Variants in KHDRBS2 observed in about 807,000 individuals in gnomAD.
KHDRBS2 encodes the protein KH domain-containing, RNA-binding, signal transduction-associated protein 2.
A neutral mutation model predicts 44.3 loss-of-function variants in KHDRBS2; 26 were observed. The ratio of observed to expected loss-of-function variants is 0.59; its 90% CI spans 0.43 to 0.81. The LOEUF is 0.81. KHDRBS2 is among the 40% of genes least tolerant of loss of function. The pLI is 0.00. For synonymous variants in KHDRBS2, 194 were observed against 151.1 expected, an observed-to-expected ratio of 1.28 and a Z score of -2.08; for missense variants, 476 against 433.1, an observed-to-expected ratio of 1.10 and a Z score of -0.88.
intron 6 of KHDRBS2, among the ~76,000 whole-genome samples, chr6:61,838,485 T>C (rs2181060): frequency 8.5e-4 from 129 of 152,122 alleles, no homozygotes; most frequent in African/African-American, 3.1e-3. Context: ...TATTAATATA[T>C]ACTATTGTAA....
chr6:61,549,043 T>G, the KHDRBS2 span, among the ~76,000 whole-genome samples: 1 of 152,046 alleles, frequency 6.6e-6, no homozygotes, highest in Admixed American at 6.6e-5. Context: ...GTCTAACACA[T>G]GATTCTGAAA....
At chr6:61,604,579 A>T in the KHDRBS2 span, among the ~76,000 whole-genome samples, 123,639 of 152,132 alleles carry the variant, frequency 0.81, 50,615 homozygotes, top group Non-Finnish European at 0.87. Flanking sequence ...TCTTAGAACC[A>T]CTCATTTCCT....
chr6:61,997,371 C>T (rs1203196637), intron 3 of KHDRBS2, among the ~76,000 whole-genome samples: 1 of 152,108 alleles, frequency 6.6e-6, no homozygotes, highest in African/African-American at 2.4e-5. Context: ...TCAATGGAGA[C>T]CTCTAGGATT....
chr6:61,709,061 A>G (rs1485178777), intron 7 of KHDRBS2, among the ~76,000 whole-genome samples: 1 of 151,684 alleles, frequency 6.6e-6, no homozygotes, highest in Non-Finnish European at 1.5e-5. Context: ...TATCAATGAG[A>G]TAACCTGTGA....
chr6:61,921,852 T>A (rs1417988682), intron 4 of KHDRBS2, among the ~76,000 whole-genome samples: 1 of 152,030 alleles, frequency 6.6e-6, no homozygotes, highest in Non-Finnish European at 1.5e-5. Flanking sequence ...TTGTGTTGAA[T>A]GATGTGTTAC....
At chr6:62,006,472 G>C (rs1446354778) in intron 3 of KHDRBS2, among the ~76,000 whole-genome samples, 1 of 151,940 alleles carries the variant, frequency 6.6e-6, no homozygotes, top group Non-Finnish European at 1.5e-5. Context: ...AAGGTAGAAT[G>C]AGCAAAGAAA....
At chr6:61,639,700 C>A in the KHDRBS2 span, among the ~76,000 whole-genome samples, 1 of 152,018 alleles carries the variant, frequency 6.6e-6, no homozygotes, top group South Asian at 2.1e-4. Flanking sequence ...TTACAGACAT[C>A]TTTGAATCAC....
chr6:61,568,694 G>A, the KHDRBS2 span, among the ~76,000 whole-genome samples: 2 of 152,140 alleles, frequency 1.3e-5, no homozygotes, highest in African/African-American at 2.4e-5. Context: ...GATCTTACAT[G>A]GATTTAGGGA....
chr6:61,712,025 C>T (rs940777955), intron 7 of KHDRBS2, among the ~76,000 whole-genome samples: 1 of 151,696 alleles, frequency 6.6e-6, no homozygotes, highest in African/African-American at 2.4e-5. Flanking sequence ...CTTGGCACTC[C>T]CTGAGGTCTG....
rs1461005543 is a variant in KHDRBS2 at position 61,726,900 on chromosome 6, T to C, written c.893+5782A>G. Among the ~76,000 whole-genome samples the C allele has an allele frequency of 3.3e-5, 5 of 152,158 alleles. No homozygotes were observed. The East Asian group carries it at 9.6e-4, about 29-fold the overall frequency. On this transcript the variant is annotated intron_variant, in intron 7 of 8. Coordinates refer to ENST00000281156, the MANE Select transcript of KHDRBS2 (RefSeq NM_152688.4). ...CCCATTAAAACTACCATTGACATTC[T>C]TCACAGAATTAGAAAAAAATATTTT...
chr6:61,954,296 C>T (rs570415280), intron 4 of KHDRBS2, among the ~76,000 whole-genome samples: 10 of 150,420 alleles, frequency 6.6e-5, no homozygotes, highest in African/African-American at 2.4e-4. Flanking sequence ...TCTACATATA[C>T]ACATATATAT....
rs547771024 is a variant in KHDRBS2, at chr6:62,051,380, A to G, written c.220-3386T>C. Among the ~76,000 whole-genome samples, 30 of 152,168 alleles carry G rather than the reference A, an allele frequency of 2.0e-4. 1 individual carries two copies. Among genetic ancestry groups the G allele is most frequent in the African/African-American group, 6.7e-4 (28 of 41,572 alleles). On this transcript the variant is annotated intron_variant, in intron 2 of 8. Coordinates refer to ENST00000281156, the MANE Select transcript of KHDRBS2 (RefSeq NM_152688.4). ...ATCCGTTTTGGGTTATTTTTTGCATATGATATATAATAAAGGTCCAATTTC... is the reference window on the plus strand; with the variant it reads ...ATCCGTTTTGGGTTATTTTTTGCATGTGATATATAATAAAGGTCCAATTTC...
intron 8 of KHDRBS2, among the ~76,000 whole-genome samples, chr6:61,695,727 G>T (rs745626049): frequency 6.6e-6 from 1 of 152,060 alleles, no homozygotes; most frequent in East Asian, 1.9e-4. Context: ...TAACTAATCA[G>T]CCCATGGTTA....
chr6:62,139,409 C>T (rs1309419637), intron 2 of KHDRBS2, among the ~76,000 whole-genome samples: 3 of 151,766 alleles, frequency 2.0e-5, no homozygotes, highest in Non-Finnish European at 2.9e-5. Flanking sequence ...AAAAATTAGC[C>T]GGGCGTGGTG....
In KHDRBS2 at chr6:62,169,214, T is replaced by TAA. The variant is rs1312821808; in HGVS notation, c.219+7970_219+7971insTT. ...GTATACATATATGTATATATATGTA[T>TAA]ATATACACACACACATATATATGTG... On this transcript the variant is annotated intron_variant, in intron 2 of 8. Transcript: ENST00000281156. Among the ~76,000 whole-genome samples the TAA allele has an allele frequency of 4.0e-5, 6 of 148,532 alleles. No individual in the cohort carries two copies. In the East Asian group the frequency reaches 5.9e-4, roughly 15 times the overall value.
intron 2 of KHDRBS2, among the ~76,000 whole-genome samples, chr6:62,064,828 A>G (rs1290838863): frequency 4.0e-5 from 6 of 151,468 alleles, no homozygotes. Flanking sequence ...AGAAACTACC[A>G]TCAGAGTGAA....
intron 4 of KHDRBS2, among the ~76,000 whole-genome samples, chr6:61,939,494 G>C (rs1811718983): frequency 6.6e-6 from 1 of 151,972 alleles, no homozygotes; most frequent in Non-Finnish European, 1.5e-5. Flanking sequence ...CATCACTAGT[G>C]CTTGTCAGCA....
intron 1 of KHDRBS2, among the ~76,000 whole-genome samples, chr6:62,270,309 TCTCTCTCTCTCC>T (rs1235327853): frequency 4.3e-5 from 5 of 115,488 alleles, no homozygotes; most frequent in Non-Finnish European, 8.9e-5. Flanking sequence ...CTCCTCTCTC[TCTCTCTCTCTCC>T]CCCACCCACC....
At chr6:62,016,133 A>T (rs1339025231) in intron 3 of KHDRBS2, among the ~76,000 whole-genome samples, 1 of 152,064 alleles carries the variant, frequency 6.6e-6, no homozygotes, top group Non-Finnish European at 1.5e-5. Flanking sequence ...TTTTTTTCCC[A>T]TGGATATTTT....
Sources: gnomAD v4.1 joint callset for allele counts (sites outside exome capture counted in the v4.1 genomes callset) on GRCh38, gnomAD v4.1.1 for gene constraint, MANE v1.5 for transcripts, NCBI Gene and HGNC (gene_info 2026-07-23, HGNC 2026-07-21) for gene names.